Variants in ARPC5L observed in about 807,000 individuals in gnomAD.
ARPC5L encodes the protein actin related protein 2/3 complex subunit 5 like.
Under a neutral mutation model 16.9 loss-of-function variants are expected in ARPC5L, and 4 were observed. The ratio of observed to expected loss-of-function variants is 0.24; its 90% CI spans 0.12 to 0.54. The LOEUF (loss-of-function observed/expected upper bound fraction) is 0.54, where lower values mean the gene tolerates loss of function less well. ARPC5L is among the 20% of genes least tolerant of loss of function. ARPC5L has a pLI of 0.95. For missense variants in ARPC5L, 151 were observed against 201.9 expected (o/e 0.75, Z 1.53); for synonymous variants, 78 against 82.6 (o/e 0.94, Z 0.30).
intron 2 of ARPC5L, among the ~76,000 whole-genome samples, chr9:124,866,907 C>T (rs1381458276): frequency 6.6e-6 from 1 of 152,158 alleles, no homozygotes; most frequent in East Asian, 1.9e-4. Flanking sequence ...ACAATTCAGA[C>T]TTCTGATCTA....
intron 4 of ARPC5L, 132 bp downstream of exon 4, chr9:124,873,896 C>A (rs1300538026): frequency 6.9e-6 from 7 of 1,011,834 alleles, no homozygotes; most frequent in South Asian, 2.9e-5. Context: ...TCCAGGGAAG[C>A]CTCCTGGCGC....
At chr9:124,873,867 G>C (rs1000408117) in intron 4 of ARPC5L, 103 bp downstream of exon 4, 3 of 1,420,648 alleles carry the variant, frequency 2.1e-6, no homozygotes, top group Non-Finnish European at 3.0e-6. Flanking sequence ...GAGGGAGTGA[G>C]TTGGCACTGG....
At chr9:124,865,844 C>T (rs1225409985) in intron 2 of ARPC5L, among the ~76,000 whole-genome samples, 1 of 151,910 alleles carries the variant, frequency 6.6e-6, no homozygotes, top group African/African-American at 2.4e-5. Flanking sequence ...TGGTGGCTCA[C>T]ACCTGTAATC....
intron 5 of ARPC5L, among the ~76,000 whole-genome samples, chr9:124,876,276 C>T (rs559705784): frequency 6.6e-6 from 1 of 152,232 alleles, no homozygotes; most frequent in East Asian, 1.9e-4. Flanking sequence ...GACCTGAGGT[C>T]AGGAGCTCAA....
At position 124,877,330 on chromosome 9, in the gene ARPC5L, C is replaced by CCTGT. The variant is rs1829459186; in HGVS notation, c.*393_*396dup. On this transcript the variant is annotated 3_prime_UTR_variant, in exon 6 of 6. Transcript: ENST00000353214. ...AAAACCCAAGAGTTTGTACAGACAT[C>CCTGT]CTGTCTTCCCAGAGAAGGTGGACAC... 1.5e-5 allele frequency: 3 copies of CCTGT among 200,188 alleles called. No homozygotes were observed. The highest frequency in any genetic ancestry group is 1.2e-4 in the Admixed American group (2 of 17,238). The allele number at this position is 200,188 out of a possible 1,614,324, so 12.4% of individuals were successfully genotyped here.
At chr9:124,873,342 T>C (rs561737214) in intron 3 of ARPC5L, 1 of 253,684 alleles carries the variant, frequency 3.9e-6, no homozygotes, top group African/African-American at 2.2e-5. Flanking sequence ...CGACCTCCAG[T>C]TCACATGTAC....
At position 124,869,208 on chromosome 9, in the gene ARPC5L, C is replaced by G. The variant is rs1829316741; in HGVS notation, c.-83C>G. On this transcript the variant is annotated 5_prime_UTR_variant, in exon 3 of 6. Coordinates refer to ENST00000353214, the MANE Select transcript of ARPC5L (RefSeq NM_030978.3). ...AGCAGCCGGGCAGCCGCTTCCCGCC[C>G]CCGAGCAGGAGCCGGTGCGAGCGGA... The G allele has an allele frequency of 3.7e-6, 5 of 1,345,336 alleles. No individual in the cohort carries two copies. The highest frequency in any genetic ancestry group is 4.8e-6 in the Non-Finnish European group (5 of 1,042,724). The allele number at this position is 1,345,336 out of a possible 1,614,324, so 83.3% of individuals were successfully genotyped here. A position where few individuals can be genotyped will look rare whatever the true frequency, so the allele number is the denominator to read the frequency against.
intron 3 of ARPC5L, chr9:124,872,963 A>T (rs1829381459): frequency 6.6e-6 from 1 of 152,284 alleles, no homozygotes; most frequent in Admixed American, 6.5e-5. Flanking sequence ...CCAGTGTTTC[A>T]TACGAGGAAA....
chr9:124,869,732 C>A (rs1297910337), intron 3 of ARPC5L, among the ~76,000 whole-genome samples: 1 of 152,236 alleles, frequency 6.6e-6, no homozygotes, highest in African/African-American at 2.4e-5. Flanking sequence ...GCGCCCTCTT[C>A]CCTCCTTGCC....
rs1041607842 is a variant in ARPC5L at position 124,869,014 on chromosome 9, T to C, written c.-277T>C. 12 of 337,590 alleles carry C rather than the reference T, an allele frequency of 3.6e-5. No homozygotes were observed. The highest frequency in any genetic ancestry group is 1.7e-4 in the African/African-American group (8 of 46,628). The allele number at this position is 337,590 out of a possible 1,614,324, so 20.9% of individuals were successfully genotyped here. On this transcript the variant is annotated 5_prime_UTR_variant, in exon 3 of 6. It removes the in-frame stop codon of an upstream open reading frame in the 5' UTR. Transcript: ENST00000353214. Reference sequence around the variant, plus strand: ...GGGCGCCCGATCCTCAGTGACAAAATAGAGACTCCGTGGAAGGGACACTGA... The same window carrying C: ...GGGCGCCCGATCCTCAGTGACAAAACAGAGACTCCGTGGAAGGGACACTGA...
chr9:124,870,420 G>T (rs775986004), intron 3 of ARPC5L, among the ~76,000 whole-genome samples: 3 of 152,146 alleles, frequency 2.0e-5, no homozygotes, highest in East Asian at 1.9e-4. Context: ...CCGCACGGGT[G>T]GGGGCAGGGT....
intron 5 of ARPC5L, among the ~76,000 whole-genome samples, chr9:124,876,136 G>A (rs1178150908): frequency 6.6e-6 from 1 of 151,282 alleles, no homozygotes; most frequent in Non-Finnish European, 1.5e-5. Flanking sequence ...GAGGATTGCT[G>A]GAGCCCAGGA....
chr9:124,865,168 C>T lies in ARPC5L; in HGVS notation c.-864+1061C>T, dbSNP rs548544406. ...GTCTTAAATGAAAGTCTAGGCCGGGCGTGGTGGCTCACGTGGTGCACGCCT... is the reference window on the plus strand; with the variant it reads ...GTCTTAAATGAAAGTCTAGGCCGGGTGTGGTGGCTCACGTGGTGCACGCCT... On this transcript the variant is annotated intron_variant, in intron 2 of 5. Coordinates refer to ENST00000353214, the MANE Select transcript of ARPC5L (RefSeq NM_030978.3). 2.3e-4 allele frequency among the ~76,000 whole-genome samples: 35 copies of T among 150,998 alleles called. 2 individuals are homozygous for T. In the South Asian group the frequency reaches 7.3e-3, roughly 32 times the overall value.
chr9:124,864,603 C>G (rs1271545779), intron 2 of ARPC5L, among the ~76,000 whole-genome samples: 1 of 152,186 alleles, frequency 6.6e-6, no homozygotes, highest in African/African-American at 2.4e-5. Context: ...TGGTATTGAA[C>G]TCTTAACCTT....
chr9:124,873,954 A>G (rs1451842285), intron 4 of ARPC5L, among the ~76,000 whole-genome samples, 190 bp downstream of exon 4: 1 of 152,188 alleles, frequency 6.6e-6, no homozygotes, highest in Non-Finnish European at 1.5e-5. Context: ...CAGCGTTTAT[A>G]TACGAGAACC....
At chr9:124,868,304 G>T (rs1279166933) in intron 2 of ARPC5L, 124 bp from the exon 3 acceptor site, 1 of 152,014 alleles carries the variant, frequency 6.6e-6, no homozygotes, top group Non-Finnish European at 1.5e-5. Context: ...TATATAAAAA[G>T]ACCCATTTTA....
intron 4 of ARPC5L, among the ~76,000 whole-genome samples, chr9:124,874,360 T>A (rs1829402616): frequency 6.6e-6 from 1 of 152,158 alleles, no homozygotes; most frequent in South Asian, 2.1e-4. Flanking sequence ...TTTTTAATAG[T>A]CCACCACCAT....
chr9:124,865,315 T>A (rs1352870816), intron 2 of ARPC5L, among the ~76,000 whole-genome samples: 20 of 107,054 alleles, frequency 1.9e-4, no homozygotes, highest in South Asian at 6.7e-4. Flanking sequence ...AAACTCTGTC[T>A]AAAAAAAAAA....
chr9:124,868,984 A>G lies in ARPC5L; in HGVS notation c.-307A>G, dbSNP rs1829309874. 1 of 281,566 alleles carries G rather than the reference A, an allele frequency of 3.6e-6. No individual in the cohort carries two copies. Among genetic ancestry groups the G allele is most frequent in the Non-Finnish European group, 6.6e-6 (1 of 151,312 alleles). The allele number at this position is 281,566 out of a possible 1,614,324, so 17.4% of individuals were successfully genotyped here. A position where few individuals can be genotyped will look rare whatever the true frequency, so the allele number is the denominator to read the frequency against. ...CACACACGAGGCGGGGCCTGCACAG[A>G]TGCCGGGCGCCCGATCCTCAGTGAC... On this transcript the variant is annotated 5_prime_UTR_variant, in exon 3 of 6. It removes an upstream start codon present in the reference 5' UTR. Transcript: ENST00000353214.
Sources: allele counts gnomAD v4.1 joint callset (sites outside exome capture counted in the v4.1 genomes callset), GRCh38; gene constraint gnomAD v4.1.1; transcripts MANE v1.5; gene names NCBI Gene and HGNC (gene_info 2026-07-23, HGNC 2026-07-21).